AKTIP: variants seen among roughly 807,000 people sequenced by gnomAD.
AKTIP encodes AKT-interacting protein.
Under a neutral mutation model 39.1 loss-of-function variants are expected in AKTIP, and 16 were observed. The observed-to-expected ratio is 0.41, with a 90% CI of 0.28 to 0.62. The LOEUF (loss-of-function observed/expected upper bound fraction) is 0.62. Ranked by LOEUF, AKTIP falls within the 20% of genes least tolerant of loss-of-function variation. The pLI is 0.32. For synonymous variants in AKTIP, 93 were observed against 124.3 expected (o/e 0.75, Z 1.67); for missense variants, 262 against 356.6 (o/e 0.73, Z 2.14).
chr16:53,499,036 G>A (rs1185132714), intron 2 of AKTIP, among the ~76,000 whole-genome samples: 4 of 152,226 alleles, frequency 2.6e-5, no homozygotes, highest in Non-Finnish European at 5.9e-5. Flanking sequence ...GTCACTGCCT[G>A]TTAGCACTTA....
At chr16:53,495,446 C>G in intron 3 of AKTIP, 120 bp from the exon 4 acceptor site, 2 of 883,816 alleles carry the variant, frequency 2.3e-6, no homozygotes, top group South Asian at 3.0e-5. Flanking sequence ...TGCCCAAACC[C>G]TGCAAGCCAA....
intron 8 of AKTIP, chr16:53,493,163 A>G (rs1045972271): frequency 1.2e-5 from 2 of 169,126 alleles, no homozygotes; most frequent in Admixed American, 5.7e-5. Context: ...TCCGCCTCCT[A>G]GATTCAGGCC....
At position 53,495,160 on chromosome 16, in the gene AKTIP, T is replaced by C. The variant is rs1261992116; in HGVS notation, c.327A>G (p.Val109=). The C allele has an allele frequency of 6.2e-7, 1 of 1,613,902 alleles. No individual in the cohort carries two copies. The highest frequency in any genetic ancestry group is 1.1e-5 in the South Asian group (1 of 91,082). ...SYRSALMWFG[V]IFIRHGLYQD... is the part of the protein sequence containing the mutation. ...GGTAAAGTCCATGCCGTATGAATAT[T>C]ACTCCAAACCACACTGTAGGAAAAA... The change falls in exon 5 of 10, where the codon GTA becomes GTG. Residue 109 remains valine, a synonymous_variant. Coordinates refer to ENST00000394657, the MANE Select transcript of AKTIP (RefSeq NM_022476.4).
Position 53,498,719 on chromosome 16 carries a change from C to G in AKTIP, c.43-123G>C. 4 of 972,958 alleles carry G rather than the reference C, an allele frequency of 4.1e-6. No homozygotes were observed. In the South Asian group the frequency reaches 6.2e-5, roughly 15 times the overall value. The allele number at this position is 972,958 out of a possible 1,614,324, so 60.3% of individuals were successfully genotyped here. A position where few individuals can be genotyped will look rare whatever the true frequency, so the allele number is the denominator to read the frequency against. ...TTACAAGCACATTCTAACACCATGA[C>G]CAAGATGACTAGAAAGTCCTTTGGG... On this transcript the variant is annotated intron_variant, in intron 2 of 9. Transcript: ENST00000394657.
chr16:53,498,738 C>T (rs2150865547), intron 2 of AKTIP, 142 bp from the exon 3 acceptor site: 2 of 825,972 alleles, frequency 2.4e-6, no homozygotes, highest in Middle Eastern at 2.5e-4. Context: ...CTAGAAAGTC[C>T]TTTGGGCAGG....
chr16:53,498,743 GGCAGGCAGGTCATAT>G, intron 2 of AKTIP, 147 bp from the exon 3 acceptor site: 1 of 785,828 alleles, frequency 1.3e-6, no homozygotes, highest in South Asian at 1.8e-5. Flanking sequence ...AAGTCCTTTG[GGCAGGCAGGTCATAT>G]AAAGAGAAGA....
At chr16:53,493,363 G>A (rs1281925122) in intron 8 of AKTIP, 1 of 153,166 alleles carries the variant, frequency 6.5e-6, no homozygotes, top group Non-Finnish European at 1.5e-5. Context: ...ATAGAGACGG[G>A]GTTTCTCCAT....
At chr16:53,498,850 G>C (rs1161088163) in intron 2 of AKTIP, among the ~76,000 whole-genome samples, 3 of 152,200 alleles carry the variant, frequency 2.0e-5, no homozygotes, top group Non-Finnish European at 4.4e-5. Flanking sequence ...CAATCAGTGT[G>C]TACAGGATTA....
intron 2 of AKTIP, among the ~76,000 whole-genome samples, chr16:53,499,020 A>T (rs774104913): frequency 6.6e-6 from 1 of 152,262 alleles, no homozygotes; most frequent in African/African-American, 2.4e-5. Flanking sequence ...TGGATGACTG[A>T]AATCAGTCAC....
At chr16:53,502,276 G>A (rs776242572) in intron 1 of AKTIP, among the ~76,000 whole-genome samples, 1 of 152,192 alleles carries the variant, frequency 6.6e-6, no homozygotes, top group Non-Finnish European at 1.5e-5. Flanking sequence ...TCTAGTCTAG[G>A]ACAAGCACAG....
chr16:53,497,443 C>A (rs1961907526), intron 3 of AKTIP, among the ~76,000 whole-genome samples: 1 of 152,218 alleles, frequency 6.6e-6, no homozygotes. Context: ...TTGTGACAGA[C>A]CTTCAAATAT....
At position 53,494,535 on chromosome 16, in the gene AKTIP, C is replaced by G. The variant is rs1347930660; in HGVS notation, c.485G>C (p.Arg162Thr). The G allele has an allele frequency of 1.9e-6, 3 of 1,614,186 alleles. No homozygotes were observed. The highest frequency in any genetic ancestry group is 2.2e-5 in the East Asian group (1 of 44,880). The change falls in exon 6 of 10, where the codon AGA becomes ACA. Residue 162 changes from arginine (R) to threonine (T), a missense_variant. Coordinates refer to ENST00000394657, the MANE Select transcript of AKTIP (RefSeq NM_022476.4). The part of the protein sequence containing the change: ...DPTSGELDVK[R>T]AFAKWRRNHN... ...TACTTACCTCCATTTTGCAAATGCT[C>G]TCTTCACATCCAGCTCACCTGAGGT...
intron 5 of AKTIP, 59 bp downstream of exon 5, chr16:53,495,014 A>G (rs1450289990): frequency 1.4e-6 from 2 of 1,431,534 alleles, no homozygotes; most frequent in Non-Finnish European, 2.0e-6. Flanking sequence ...GAAAGCTGTA[A>G]GCCCTTTCAG....
intron 2 of AKTIP, among the ~76,000 whole-genome samples, chr16:53,499,449 GTTTTTT>G (rs56138099): frequency 3.1e-5 from 4 of 130,706 alleles, no homozygotes; most frequent in Non-Finnish European, 4.9e-5. Flanking sequence ...TGAGATTATA[GTTTTTT>G]TTTTTTTTTT....
intron 3 of AKTIP, among the ~76,000 whole-genome samples, chr16:53,498,013 G>A (rs1961943555): frequency 6.6e-6 from 1 of 152,234 alleles, no homozygotes; most frequent in Admixed American, 6.5e-5. Context: ...CTCCCAAAGT[G>A]CTAGGATTAT....
chr16:53,492,813 TC>T, intron 8 of AKTIP, 60 bp from the exon 9 acceptor site: 1 of 1,516,084 alleles, frequency 6.6e-7, no homozygotes, highest in Non-Finnish European at 9.1e-7. Context: ...TCTATAACAT[TC>T]ATTTTGCAGT....
intron 8 of AKTIP, 127 bp from the exon 9 acceptor site, chr16:53,492,880 T>C (rs1388387853): frequency 1.0e-5 from 8 of 763,548 alleles, no homozygotes; most frequent in Admixed American, 2.6e-5. Flanking sequence ...GTTGTCGACA[T>C]GTATGTTTTA....
intron 3 of AKTIP, among the ~76,000 whole-genome samples, chr16:53,497,535 G>T (rs1052290448): frequency 4.5e-4 from 69 of 152,130 alleles, no homozygotes; most frequent in Admixed American, 4.4e-3. Flanking sequence ...GATCCCTAAG[G>T]ACTGGCCTTC....
chr16:53,498,458 G>C lies in AKTIP; in HGVS notation c.181C>G (p.Gln61Glu). The C allele has an allele frequency of 1.2e-6, 2 of 1,613,972 alleles. No individual in the cohort carries two copies. The highest frequency in any genetic ancestry group is 1.7e-6 in the Non-Finnish European group (2 of 1,179,824). The change falls in exon 3 of 10, where the codon CAG becomes GAG. Residue 61 changes from glutamine to glutamate, a missense_variant. This residue lies in a region of AKTIP where 88 missense variants were observed against 132.1 expected (regional missense o/e 0.67). Coordinates refer to ENST00000394657, the MANE Select transcript of AKTIP (RefSeq NM_022476.4). The stretch of plus-strand genomic sequence containing the variant: ...GACGCATGCGTGCCATTTGTTGACT[G>C]TGCTGCTGGGGCAGGAGATGTAGGC... ...TKPTSPAPAAQSTNGTHASYG... is the reference protein window; with the variant it reads ...TKPTSPAPAAESTNGTHASYG...
Sources: gnomAD v4.1 joint callset for allele counts (sites outside exome capture counted in the v4.1 genomes callset) on GRCh38, gnomAD v4.1.1 for gene constraint, gnomAD v4.1.1 regional missense constraint, MANE v1.5 for transcripts, NCBI Gene and HGNC (gene_info 2026-07-23, HGNC 2026-07-21) for gene names.